MCAT: variants seen among roughly 807,000 people sequenced by gnomAD.
The protein encoded by MCAT is malonyl-CoA-acyl carrier protein transacylase, mitochondrial.
In MCAT, 22 loss-of-function variants were observed where a neutral mutation model predicts 22.9. The ratio of observed to expected loss-of-function variants is 0.96; its 90% CI spans 0.69 to 1.37. MCAT has a LOEUF of 1.37. MCAT is among the 40% of genes most tolerant of loss of function. MCAT has a pLI of 0.00. For synonymous variants in MCAT, 240 were observed against 233.9 expected (o/e 1.03, Z -0.24); for missense variants, 534 against 533.6 (o/e 1.00, Z -0.01).
chr22:43,142,832 G>A, intron 1 of MCAT, 94 bp downstream of exon 1: 1 of 1,296,420 alleles, frequency 7.7e-7, no homozygotes, highest in Non-Finnish European at 1.0e-6. Flanking sequence ...TAAGACGTGG[G>A]AGCCCCCGGA....
chr22:43,136,954 C>T, intron 3 of MCAT, 127 bp downstream of exon 3: 3 of 797,042 alleles, frequency 3.8e-6, no homozygotes, highest in South Asian at 3.1e-5. Context: ...CTGCCCTGGC[C>T]CCAAAATACT....
intron 3 of MCAT, among the ~76,000 whole-genome samples, chr22:43,135,916 C>G (rs1468933221): frequency 6.6e-6 from 1 of 152,184 alleles, no homozygotes; most frequent in East Asian, 1.9e-4. Flanking sequence ...CTCTCTCTGC[C>G]TCAGCATCCT....
At chr22:43,142,023 C>T (rs780972942) in intron 1 of MCAT, among the ~76,000 whole-genome samples, 4 of 152,222 alleles carry the variant, frequency 2.6e-5, no homozygotes, top group Admixed American at 6.5e-5. Context: ...ATTATGATGA[C>T]GATTCAACAG....
At chr22:43,139,421 G>T (rs878415) in intron 2 of MCAT, among the ~76,000 whole-genome samples, 2,240 of 152,162 alleles carry the variant, frequency 0.015, 62 homozygotes, top group African/African-American at 0.052. Flanking sequence ...AGTTAGTCTG[G>T]AGACTGAAGC....
rs1414844476 is a variant in MCAT, at chr22:43,142,786, CAA to C, written c.423+138_423+139del. ...CGAGACTCCGTCTCAAAAAAAAAAACAAAAACAAACAAAAAAAAAAACTCGAT... is the reference window on the plus strand; with the variant it reads ...CGAGACTCCGTCTCAAAAAAAAAAACAAACAAACAAAAAAAAAAACTCGAT... On this transcript the variant is annotated intron_variant, in intron 1 of 3. Transcript: ENST00000290429. The C allele has an allele frequency of 5.2e-5, 46 of 882,196 alleles. No homozygotes were observed. The East Asian group carries it at 1.5e-3, about 28-fold the overall frequency. The allele number at this position is 882,196 out of a possible 1,614,324, so 54.6% of individuals were successfully genotyped here.
intron 2 of MCAT, chr22:43,140,936 A>G (rs1775364936): frequency 3.5e-6 from 2 of 564,546 alleles, no homozygotes; most frequent in Non-Finnish European, 6.4e-6. Flanking sequence ...TAGACAGTTC[A>G]GCAAGCAGAT....
intron 2 of MCAT, chr22:43,140,897 T>G (rs1168942038): frequency 2.2e-6 from 1 of 448,902 alleles, no homozygotes; most frequent in Non-Finnish European, 4.0e-6. Context: ...TTGCAGGTGC[T>G]GCAGGTATGA....
At chr22:43,140,493 C>T (rs1375325730) in intron 2 of MCAT, among the ~76,000 whole-genome samples, 7 of 152,152 alleles carry the variant, frequency 4.6e-5, no homozygotes, top group Non-Finnish European at 7.3e-5. Flanking sequence ...GGACTACAGG[C>T]GCACACCAAC....
In MCAT at chr22:43,143,105, G is replaced by C; in HGVS notation, c.244C>G (p.Leu82Val). ...AGTTCGCGGACGCGCGGGTAGTTGA[G>C]CAGACCGCGGCCCATGCCCACCACC... Reference protein sequence around the residue: ...SQVVGMGRGLLNYPRVRELYA... With the variant: ...SQVVGMGRGLVNYPRVRELYA... The change falls in exon 1 of 4, where the codon CTC becomes GTC. Residue 82 changes from leucine to valine, a missense_variant. Coordinates refer to ENST00000290429, the MANE Select transcript of MCAT (RefSeq NM_173467.5). The C allele has an allele frequency of 1.2e-6, 2 of 1,604,082 alleles. No individual in the cohort carries two copies. The highest frequency in any genetic ancestry group is 1.7e-6 in the Non-Finnish European group (2 of 1,178,564).
At chr22:43,141,986 C>T (rs1031866622) in intron 1 of MCAT, among the ~76,000 whole-genome samples, 1 of 152,196 alleles carries the variant, frequency 6.6e-6, no homozygotes, top group Non-Finnish European at 1.5e-5. Context: ...TAGCACAGAC[C>T]CAGACTAGGG....
At chr22:43,139,497 G>C (rs887935352) in intron 2 of MCAT, among the ~76,000 whole-genome samples, 1 of 152,114 alleles carries the variant, frequency 6.6e-6, no homozygotes, top group African/African-American at 2.4e-5. Context: ...CTGCACTGCA[G>C]CTGGGGTGAC....
In MCAT at chr22:43,143,365, G is replaced by C. The variant is rs1454886722; in HGVS notation, c.-17C>G. On this transcript the variant is annotated 5_prime_UTR_variant, in exon 1 of 4. Transcript: ENST00000290429. ...GACGCTCATGGTCGGACACCTGCCC[G>C]CGCGCGTTACCGTGGCGACCGAGGC... 1.6e-5 allele frequency: 22 copies of C among 1,351,662 alleles called. No homozygotes were observed. Among genetic ancestry groups the C allele is most frequent in the Non-Finnish European group, 2.1e-5 (22 of 1,057,118 alleles). The allele number at this position is 1,351,662 out of a possible 1,614,324, so 83.7% of individuals were successfully genotyped here. A position where few individuals can be genotyped will look rare whatever the true frequency, so the allele number is the denominator to read the frequency against.
Position 43,143,098 on chromosome 22 carries a change from T to C in MCAT, c.251A>G (p.Tyr84Cys). The C allele has an allele frequency of 6.2e-7, 1 of 1,605,168 alleles. No individual in the cohort carries two copies. The highest frequency in any genetic ancestry group is 8.5e-7 in the Non-Finnish European group (1 of 1,178,756). The part of the protein sequence containing the change: ...VVGMGRGLLN[Y>C]PRVRELYAAA... ...GGCGTAGAGTTCGCGGACGCGCGGG[T>C]AGTTGAGCAGACCGCGGCCCATGCC... Residue 84 changes from tyrosine (Y) to cysteine (C), a missense_variant, in exon 1 of 4, where the codon TAC becomes TGC. Physicochemically the swap from Tyr to Cys is radical, Grantham distance 194. Transcript: ENST00000290429.
chr22:43,136,683 G>A (rs1930621915), intron 3 of MCAT, among the ~76,000 whole-genome samples: 1 of 152,224 alleles, frequency 6.6e-6, no homozygotes, highest in Admixed American at 6.5e-5. Flanking sequence ...ATGAACTCCA[G>A]GGCAAAAACA....
Position 43,132,262 on chromosome 22 carries a change from T to C in MCAT, c.*781A>G, listed in dbSNP as rs1244697777. On this transcript the variant is annotated 3_prime_UTR_variant, in exon 4 of 4. Transcript: ENST00000290429. The stretch of plus-strand genomic sequence containing the variant: ...CAGGAGCTGCTCTGAGGACGGGGCA[T>C]GGAGCCAGGGGTCAGCTCCGAGGCA... 1 of 152,206 alleles carries C rather than the reference T, an allele frequency of 6.6e-6. No individual in the cohort carries two copies. The highest frequency in any genetic ancestry group is 1.5e-5 in the Non-Finnish European group (1 of 68,052). 9.4% of individuals were successfully genotyped at this position (152,206 alleles called of 1,614,324 possible).
At position 43,133,370 on chromosome 22, in the gene MCAT, C is replaced by G. The variant is rs144003919; in HGVS notation, c.846G>C (p.Thr282=). The change falls in exon 4 of 4, where the codon ACG becomes ACC. Residue 282 remains threonine (T), a synonymous_variant. Transcript: ENST00000290429. ...RLMEPAVEPL[T]QALKAVDIKK... ...TAATGTCGACTGCCTTTAAAGCTTG[C>G]GTCAGGGGCTCCACGGCTGGCTCCA... 1 of 1,614,144 alleles carries G rather than the reference C, an allele frequency of 6.2e-7. No homozygotes were observed. The highest frequency in any genetic ancestry group is 2.2e-5 in the East Asian group (1 of 44,882).
intron 1 of MCAT, among the ~76,000 whole-genome samples, chr22:43,141,473 C>T (rs879337980): frequency 4.6e-5 from 7 of 152,208 alleles, no homozygotes; most frequent in Non-Finnish European, 5.9e-5. Context: ...CCATCAACTC[C>T]GTCCATGGTC....
rs139167631 is a variant in MCAT, at chr22:43,133,351, C to T, written c.865G>A (p.Asp289Asn). Reference protein sequence around the residue: ...EPLTQALKAVDIKKPLVSVYS... With the variant: ...EPLTQALKAVNIKKPLVSVYS... ...ACAGAAACCAGAGGCTTCTTAATGT[C>T]GACTGCCTTTAAAGCTTGCGTCAGG... The change falls in exon 4 of 4, where the codon GAC becomes AAC. Residue 289 changes from aspartate (D) to asparagine (N), a missense_variant. Asp to Asn is a conservative substitution (Grantham distance 23). Coordinates refer to ENST00000290429, the MANE Select transcript of MCAT (RefSeq NM_173467.5). The T allele has an allele frequency of 1.5e-5, 25 of 1,614,006 alleles. No individual in the cohort carries two copies. The highest frequency in any genetic ancestry group is 2.7e-5 in the African/African-American group (2 of 74,896).
rs772416578 is a variant in MCAT, at chr22:43,133,279, G to C, written c.937C>G (p.His313Asp). 1.2e-6 allele frequency: 2 copies of C among 1,614,226 alleles called. No individual in the cohort carries two copies. Residue 313 changes from histidine to aspartate, a missense_variant, in exon 4 of 4, where the codon CAC becomes GAC. His to Asp is a moderately conservative substitution (Grantham distance 81). Coordinates refer to ENST00000290429, the MANE Select transcript of MCAT (RefSeq NM_173467.5). Reference sequence around the variant, plus strand: ...ACCAGCTGCTGGGCCAGCAGCTTGTGGATGTGCCCGGGATGCCTGTATCTA... The same window carrying C: ...ACCAGCTGCTGGGCCAGCAGCTTGTCGATGTGCCCGGGATGCCTGTATCTA... ...AHRYRHPGHIHKLLAQQLVSP... is the reference protein window; with the variant it reads ...AHRYRHPGHIDKLLAQQLVSP...
Sources: gnomAD v4.1 joint callset for allele counts (sites outside exome capture counted in the v4.1 genomes callset) on GRCh38, gnomAD v4.1.1 for gene constraint, MANE v1.5 for transcripts, NCBI Gene and HGNC (gene_info 2026-07-23, HGNC 2026-07-21) for gene names.